Variants in COX7B2 observed in about 807,000 individuals in gnomAD.
The protein encoded by COX7B2 is cytochrome c oxidase subunit 7B2.
For synonymous variants in COX7B2, 37 were observed against 32.1 expected (o/e 1.15, Z -0.51); for missense variants, 109 against 95.9 (o/e 1.14, Z -0.57).
chr4:46,872,628 A>G (rs1000769088), intron 1 of COX7B2, among the ~76,000 whole-genome samples: 1 of 152,134 alleles, frequency 6.6e-6, no homozygotes, highest in Middle Eastern at 3.2e-3. Flanking sequence ...TTCCTCACAA[A>G]TTATGTCAAT....
chr4:46,829,926 G>T (rs1225355155), intron 2 of COX7B2, among the ~76,000 whole-genome samples: 3 of 152,148 alleles, frequency 2.0e-5, no homozygotes, highest in Non-Finnish European at 2.9e-5. Context: ...ATATTAATCA[G>T]TTGTATGGAG....
intron 2 of COX7B2, among the ~76,000 whole-genome samples, chr4:46,802,822 T>A (rs987404755): frequency 3.3e-5 from 5 of 152,130 alleles, no homozygotes; most frequent in African/African-American, 1.2e-4. Context: ...CTATCTGTAA[T>A]GAAGTTACTG....
At chr4:46,789,724 A>G (rs537905178) in intron 2 of COX7B2, among the ~76,000 whole-genome samples, 1 of 152,300 alleles carries the variant, frequency 6.6e-6, no homozygotes, top group Non-Finnish European at 1.5e-5. Context: ...ACAAAGGAAG[A>G]CTAGTCGTTT....
At chr4:46,738,083 A>T (rs1257949027) in intron 2 of COX7B2, among the ~76,000 whole-genome samples, 2 of 152,146 alleles carry the variant, frequency 1.3e-5, no homozygotes, top group African/African-American at 4.8e-5. Context: ...TCAGGGTATG[A>T]CAGGTGCAGC....
intron 2 of COX7B2, among the ~76,000 whole-genome samples, chr4:46,799,788 T>C (rs770326166): frequency 6.6e-6 from 1 of 152,158 alleles, no homozygotes; most frequent in South Asian, 2.1e-4. Context: ...TTTATGTTCA[T>C]CAGAAAAATT....
At chr4:46,861,923 C>T (rs1347001648) in intron 1 of COX7B2, among the ~76,000 whole-genome samples, 1 of 152,168 alleles carries the variant, frequency 6.6e-6, no homozygotes, top group Non-Finnish European at 1.5e-5. Flanking sequence ...TCATGAGACA[C>T]CCCTCCCTGT....
intron 2 of COX7B2, among the ~76,000 whole-genome samples, chr4:46,752,653 C>T (rs1560353548): frequency 6.6e-6 from 1 of 151,990 alleles, no homozygotes; most frequent in African/African-American, 2.4e-5. Flanking sequence ...TGTCAAAAGC[C>T]TTTTCTCCAT....
intron 2 of COX7B2, among the ~76,000 whole-genome samples, chr4:46,812,944 G>A (rs867330190): frequency 6.6e-6 from 1 of 152,236 alleles, no homozygotes; most frequent in Non-Finnish European, 1.5e-5. Flanking sequence ...CACAGGGCAG[G>A]GGGTTACTGC....
chr4:46,765,534 C>T (rs1424866112), intron 2 of COX7B2, among the ~76,000 whole-genome samples: 1 of 152,140 alleles, frequency 6.6e-6, no homozygotes, highest in African/African-American at 2.4e-5. Flanking sequence ...CAGGCTTTCT[C>T]CAGCTCTAGG....
In COX7B2 at chr4:46,854,376, G is replaced by A. The variant is rs150374338; in HGVS notation, c.-104-9362C>T. On this transcript the variant is annotated intron_variant, in intron 1 of 2. Coordinates refer to ENST00000355591, the MANE Select transcript of COX7B2 (RefSeq NM_130902.3). ...AATCAAGAAAGCTGACAGATTTGAC[G>A]GTATGAATAGGAAAATTCTTCACGA... Among the ~76,000 whole-genome samples the A allele has an allele frequency of 7.8e-3, 1,188 of 152,238 alleles. 19 individuals carry two copies. The highest frequency in any genetic ancestry group is 0.027 in the African/African-American group (1,142 of 41,546).
chr4:46,771,438 C>T (rs6833430), intron 2 of COX7B2, among the ~76,000 whole-genome samples: 49,884 of 151,878 alleles, frequency 0.33, 8,447 homozygotes, highest in South Asian at 0.47. Context: ...ATAACCACCA[C>T]ATGATCCAAC....
At chr4:46,883,877 T>C (rs1718902913) in intron 1 of COX7B2, among the ~76,000 whole-genome samples, 2 of 152,166 alleles carry the variant, frequency 1.3e-5, no homozygotes, top group African/African-American at 4.8e-5. Context: ...ATCTTGTCTC[T>C]TCTCCTTATA....
At chr4:46,845,927 C>A (rs1018985023) in intron 1 of COX7B2, among the ~76,000 whole-genome samples, 1 of 151,942 alleles carries the variant, frequency 6.6e-6, no homozygotes, top group African/African-American at 2.4e-5. Context: ...TCTTTGTGGT[C>A]AATCTGACTA....
At chr4:46,748,572 T>C (rs1395567359) in intron 2 of COX7B2, among the ~76,000 whole-genome samples, 1 of 152,178 alleles carries the variant, frequency 6.6e-6, no homozygotes, top group Non-Finnish European at 1.5e-5. Context: ...GCAGTTTTCA[T>C]TCCCTAATTC....
chr4:46,764,701 A>G (rs1200031678), intron 2 of COX7B2, among the ~76,000 whole-genome samples: 2 of 151,834 alleles, frequency 1.3e-5, no homozygotes, highest in Non-Finnish European at 2.9e-5. Context: ...AAAAAAGTAG[A>G]ATATTTGCAT....
chr4:46,748,871 C>T (rs1195358507), intron 2 of COX7B2, among the ~76,000 whole-genome samples: 1 of 152,066 alleles, frequency 6.6e-6, no homozygotes, highest in Non-Finnish European at 1.5e-5. Context: ...CTAGGTAGTT[C>T]AACCACACTA....
chr4:46,836,983 T>C (rs533979944), intron 2 of COX7B2, among the ~76,000 whole-genome samples: 3 of 152,210 alleles, frequency 2.0e-5, no homozygotes, highest in African/African-American at 7.2e-5. Flanking sequence ...GAATTACAAG[T>C]AAATATGTGT....
intron 2 of COX7B2, among the ~76,000 whole-genome samples, chr4:46,793,905 G>T (rs905926782): frequency 1.3e-5 from 2 of 152,110 alleles, no homozygotes; most frequent in Non-Finnish European, 2.9e-5. Context: ...TAGTGAAATT[G>T]GTCTCCCCCC....
At chr4:46,760,763 T>C in intron 2 of COX7B2, among the ~76,000 whole-genome samples, 1 of 152,206 alleles carries the variant, frequency 6.6e-6, no homozygotes, top group East Asian at 1.9e-4. Flanking sequence ...GAAATATAAA[T>C]AATTAACATT....
Sources: gnomAD v4.1 joint callset for allele counts (sites outside exome capture counted in the v4.1 genomes callset) on GRCh38, gnomAD v4.1.1 for gene constraint, MANE v1.5 for transcripts, NCBI Gene and HGNC (gene_info 2026-07-23, HGNC 2026-07-21) for gene names.